The following VAV2 variants were observed in gnomAD, a reference collection of about 807,000 sequenced individuals.
VAV2 encodes the protein guanine nucleotide exchange factor VAV2.
A neutral mutation model predicts 132.5 loss-of-function variants in VAV2; 67 were observed. That is an observed-to-expected ratio of 0.51 (90% confidence interval 0.42 to 0.62). The LOEUF is 0.62. VAV2 is among the 20% of genes least tolerant of loss of function. The pLI, the probability that VAV2 is intolerant of heterozygous loss-of-function variation, is 0.00. For missense variants in VAV2, 938 were observed against 1,153.6 expected (o/e 0.81, Z 2.71); for synonymous variants, 492 against 443.5 (o/e 1.11, Z -1.37).
At chr9:133,888,987 G>GGGGCAGGGACACCGCGT (rs1838822565) in intron 2 of VAV2, among the ~76,000 whole-genome samples, 1 of 152,202 alleles carries the variant, frequency 6.6e-6, no homozygotes, top group African/African-American at 2.4e-5. Context: ...CCCTGCCAGG[G>GGGGCAGGGACACCGCGT]GGGCAGGGAC....
Position 133,918,205 on chromosome 9 carries a change from G to T in VAV2, c.321+20898C>A, listed in dbSNP as rs139233639. On this transcript the variant is annotated intron_variant, in intron 2 of 29. Coordinates refer to ENST00000371850, the MANE Select transcript of VAV2 (RefSeq NM_001134398.2). The surrounding 1 kb of genome is among the most constrained non-coding windows in gnomAD (Gnocchi z 4.7). The stretch of plus-strand genomic sequence containing the variant: ...CTCCAGTGACATTAATAGGGAAACC[G>T]TCGGAAATGCTAAAGAGGACTCGGT... 2.0e-5 allele frequency among the ~76,000 whole-genome samples: 3 copies of T among 152,188 alleles called. No individual in the cohort carries two copies. Among genetic ancestry groups the T allele is most frequent in the Non-Finnish European group, 4.4e-5 (3 of 68,034 alleles).
intron 1 of VAV2, among the ~76,000 whole-genome samples, chr9:133,955,144 A>ACCTT (rs1482268109): frequency 5.9e-5 from 9 of 151,936 alleles, no homozygotes; most frequent in Non-Finnish European, 1.3e-4. Flanking sequence ...GGGTACAGGA[A>ACCTT]GGGCAGAACC....
At chr9:133,803,535 A>C (rs1835020281) in intron 9 of VAV2, among the ~76,000 whole-genome samples, 1 of 152,006 alleles carries the variant, frequency 6.6e-6, no homozygotes. Flanking sequence ...GCTCCTTCCC[A>C]AGGCCCAGTG....
intron 3 of VAV2, among the ~76,000 whole-genome samples, chr9:133,858,845 G>T (rs891132698): frequency 6.6e-6 from 1 of 152,196 alleles, no homozygotes; most frequent in African/African-American, 2.4e-5. Flanking sequence ...GTCTCCTGTG[G>T]GGTGGCAGCC....
At chr9:133,789,897 A>AGTGTCCACACAGC (rs1248854735) in intron 13 of VAV2, among the ~76,000 whole-genome samples, 1 of 152,224 alleles carries the variant, frequency 6.6e-6, no homozygotes, top group Non-Finnish European at 1.5e-5. Context: ...TGGCTTTCAA[A>AGTGTCCACACAGC]GTGTCCACAC....
At chr9:133,910,441 C>A (rs1021053463) in intron 2 of VAV2, among the ~76,000 whole-genome samples, 4 of 152,084 alleles carry the variant, frequency 2.6e-5, no homozygotes, top group African/African-American at 9.7e-5. Flanking sequence ...TCTCATGTAA[C>A]CGGCACCAAG....
At chr9:133,929,847 C>T (rs1840616016) in intron 2 of VAV2, among the ~76,000 whole-genome samples, 1 of 152,208 alleles carries the variant, frequency 6.6e-6, no homozygotes, top group African/African-American at 2.4e-5. Context: ...CCAGGCCCAA[C>T]TCAAAGGAGG....
At chr9:133,783,743 T>A in intron 18 of VAV2, 152 bp from the exon 19 acceptor site, 1 of 689,120 alleles carries the variant, frequency 1.5e-6, no homozygotes. Context: ...TCCAGGACCC[T>A]CCCTTACCAG....
intron 2 of VAV2, among the ~76,000 whole-genome samples, chr9:133,936,478 A>T (rs1452372432): frequency 6.6e-6 from 1 of 152,022 alleles, no homozygotes. Context: ...CCTAACTTCA[A>T]ATGATCCGCC....
At position 133,807,245 on chromosome 9, in the gene VAV2, C is replaced by T. The variant is rs746010595; in HGVS notation, c.735+13G>A. On this transcript the variant is annotated intron_variant, in intron 8 of 29. Coordinates refer to ENST00000371850, the MANE Select transcript of VAV2 (RefSeq NM_001134398.2). The stretch of plus-strand genomic sequence containing the variant: ...CCGAGCCTGGCATGAGCGATGGGGG[C>T]CGGGACCCTTACCTCCAGGTTAATG... 2 of 1,608,364 alleles carry T rather than the reference C, an allele frequency of 1.2e-6. No homozygotes were observed. Among genetic ancestry groups the T allele is most frequent in the South Asian group, 2.2e-5 (2 of 89,554 alleles).
intron 9 of VAV2, among the ~76,000 whole-genome samples, chr9:133,800,668 T>A (rs931842689): frequency 1.3e-5 from 2 of 152,146 alleles, no homozygotes; most frequent in Admixed American, 6.5e-5. Context: ...TGCCAGCAGC[T>A]CTAGTGTGGC....
intron 2 of VAV2, among the ~76,000 whole-genome samples, chr9:133,866,919 A>G (rs1837827101): frequency 6.6e-6 from 1 of 152,086 alleles, no homozygotes; most frequent in Non-Finnish European, 1.5e-5. Flanking sequence ...GTGACATGGA[A>G]GCGGGAACTC....
At chr9:133,849,776 C>T (rs1041138140) in intron 3 of VAV2, among the ~76,000 whole-genome samples, 5 of 152,208 alleles carry the variant, frequency 3.3e-5, no homozygotes, top group Non-Finnish European at 7.3e-5. Context: ...CCTCCCTCTT[C>T]ACACGATCCT....
At chr9:133,800,447 A>G (rs1229930435) in intron 9 of VAV2, among the ~76,000 whole-genome samples, 1 of 152,196 alleles carries the variant, frequency 6.6e-6, no homozygotes, top group Non-Finnish European at 1.5e-5. Context: ...GCATGGAGCC[A>G]TGTCTGCTGC....
intron 1 of VAV2, among the ~76,000 whole-genome samples, chr9:133,950,931 C>G (rs760673485): frequency 2.5e-4 from 38 of 152,130 alleles, no homozygotes; most frequent in Non-Finnish European, 5.0e-4. Context: ...CCAGACGGAC[C>G]CAAGCAGAGG....
intron 2 of VAV2, among the ~76,000 whole-genome samples, chr9:133,896,584 A>G (rs1015568669): frequency 2.0e-5 from 3 of 152,228 alleles, no homozygotes; most frequent in African/African-American, 7.2e-5. Flanking sequence ...CCACTATGCG[A>G]AACTTTCAAA....
At position 133,783,877 on chromosome 9, in the gene VAV2, G is replaced by GT. The variant is rs56069048; in HGVS notation, c.1635-287dup. Among the ~76,000 whole-genome samples the GT allele has an allele frequency of 9.3e-3, 789 of 85,126 alleles. 10 individuals carry two copies. The highest frequency in any genetic ancestry group is 0.032 in the African/African-American group (726 of 22,356). 55.8% of individuals were successfully genotyped at this position (85,126 alleles called of 152,430 possible). A position where few individuals can be genotyped will look rare whatever the true frequency, so the allele number is the denominator to read the frequency against. On this transcript the variant is annotated intron_variant, in intron 18 of 29. Coordinates refer to ENST00000371850, the MANE Select transcript of VAV2 (RefSeq NM_001134398.2). Reference sequence around the variant, plus strand: ...GAAACTCTAAGGGCTTGGCTGGGCCGTTTTTTTTTTTTTTTTTTTTGGAGA... The same window carrying GT: ...GAAACTCTAAGGGCTTGGCTGGGCCGTTTTTTTTTTTTTTTTTTTTTGGAGA...
chr9:133,833,026 G>A lies in VAV2; in HGVS notation c.449+1246C>T, dbSNP rs1432303758. ...ACGTGGGGCCGACCGGATGTCCAGA[G>A]GAGCTCTGGGAGTCTGGCCAGTGGG... On this transcript the variant is annotated intron_variant, in intron 4 of 29. Transcript: ENST00000371850. This position sits in a 1 kb window ranked among gnomAD's most constrained non-coding sequence, Gnocchi z 5.6. 6.6e-6 allele frequency among the ~76,000 whole-genome samples: 1 copy of A among 152,144 alleles called. No homozygotes were observed. Among genetic ancestry groups the A allele is most frequent in the African/African-American group, 2.4e-5 (1 of 41,444 alleles).
chr9:133,982,499 C>A (rs1480771351), intron 1 of VAV2, among the ~76,000 whole-genome samples: 2 of 148,992 alleles, frequency 1.3e-5, no homozygotes, highest in African/African-American at 5.0e-5. Context: ...TAGGATGGGG[C>A]GCGGCAGACT....
Sources: gnomAD v4.1 joint callset for allele counts (sites outside exome capture counted in the v4.1 genomes callset) on GRCh38, gnomAD v4.1.1 for gene constraint, Gnocchi (gnomAD v3.1) non-coding constraint, MANE v1.5 for transcripts, NCBI Gene and HGNC (gene_info 2026-07-23, HGNC 2026-07-21) for gene names.